The following ITPR1 variants were observed in gnomAD, a reference collection of about 807,000 sequenced individuals.
ITPR1 encodes the protein inositol 1,4,5-trisphosphate-gated calcium channel ITPR1.
In ITPR1, 96 loss-of-function variants were observed where a neutral mutation model predicts 318.4. That is an observed-to-expected ratio of 0.30 (90% confidence interval 0.26 to 0.36). The LOEUF (loss-of-function observed/expected upper bound fraction) is 0.36, where lower values mean the gene tolerates loss of function less well. ITPR1 is among the 10% of genes least tolerant of loss of function. ITPR1 has a pLI of 1.00. For missense variants in ITPR1, 2,440 were observed against 3,460.2 expected, an observed-to-expected ratio of 0.71 and a Z score of 7.40; for synonymous variants, 1,312 against 1,289.9, an observed-to-expected ratio of 1.02 and a Z score of -0.37.
chr3:4,564,925 G>T (rs113385412), intron 4 of ITPR1, among the ~76,000 whole-genome samples: 1 of 152,154 alleles, frequency 6.6e-6, no homozygotes, highest in Non-Finnish European at 1.5e-5. Context: ...CAATGGGGAC[G>T]CAGTTCAGTT....
intron 4 of ITPR1, among the ~76,000 whole-genome samples, chr3:4,536,343 T>C (rs2083871831): frequency 6.6e-6 from 1 of 152,244 alleles, no homozygotes. Context: ...GGGTGAGGTA[T>C]ATTTAAGGGA....
At chr3:4,585,918 TA>T (rs1240713609) in intron 4 of ITPR1, among the ~76,000 whole-genome samples, 3 of 112,966 alleles carry the variant, frequency 2.7e-5, no homozygotes, top group Non-Finnish European at 5.4e-5. Flanking sequence ...ACCCCTCCCC[TA>T]GCCCCCCAGC....
intron 5 of ITPR1, 112 bp from the exon 6 acceptor site, chr3:4,639,272 T>C: frequency 2.6e-6 from 2 of 778,236 alleles, no homozygotes; most frequent in South Asian, 1.6e-5. Flanking sequence ...CCTCAGGGAT[T>C]TGCGTATTTC....
At position 4,777,143 on chromosome 3, in the gene ITPR1, C is replaced by T; in HGVS notation, c.6181-121C>T. On this transcript the variant is annotated intron_variant, in intron 47 of 61. Transcript: ENST00000649015. ...TTTCTCACGGAAAATTTGCAGCTCT[C>T]CCCTAGAGACATTACTGGGAGTGGT... 3 of 608,274 alleles carry T rather than the reference C, an allele frequency of 4.9e-6. No homozygotes were observed. The South Asian group carries it at 6.4e-5, about 13-fold the overall frequency. 37.7% of individuals were successfully genotyped at this position (608,274 alleles called of 1,614,324 possible).
At chr3:4,635,948 C>T (rs1161915087) in intron 5 of ITPR1, among the ~76,000 whole-genome samples, 2 of 151,852 alleles carry the variant, frequency 1.3e-5, no homozygotes, top group Non-Finnish European at 2.9e-5. Flanking sequence ...GCAACCTCTG[C>T]CTCCTGGGTT....
chr3:4,618,187 T>C lies in ITPR1; in HGVS notation c.164-9576T>C, dbSNP rs1175148794. Among the ~76,000 whole-genome samples the C allele has an allele frequency of 3.3e-5, 5 of 152,164 alleles. No homozygotes were observed. The East Asian group carries it at 9.6e-4, about 29-fold the overall frequency. The stretch of plus-strand genomic sequence containing the variant: ...TAGTAAATGCCACTGAATTGGTCAC[T>C]TTAAAATGGTTAATTTTATATTATG... On this transcript the variant is annotated intron_variant, in intron 4 of 61. Transcript: ENST00000649015.
In ITPR1 at chr3:4,697,260, A is replaced by G. The variant is rs767193785; in HGVS notation, c.4395A>G (p.Val1465=). ...GGAAATTGTTTGAGAATTTCCTTGTAGACATCTGCAGGGTAAGGCTTTTGG... is the reference window on the plus strand; with the variant it reads ...GGAAATTGTTTGAGAATTTCCTTGTGGACATCTGCAGGGTAAGGCTTTTGG... ...HMWKLFENFL[V]DICRACNNTS... Residue 1465 remains valine, a synonymous_variant, in exon 34 of 62, where the codon GTA becomes GTG. Transcript: ENST00000649015. 6.4e-7 allele frequency: 1 copy of G among 1,556,952 alleles called. No homozygotes were observed. The highest frequency in any genetic ancestry group is 8.7e-7 in the Non-Finnish European group (1 of 1,149,522).
chr3:4,545,643 G>A (rs2084911364), intron 4 of ITPR1, among the ~76,000 whole-genome samples: 2 of 146,656 alleles, frequency 1.4e-5, no homozygotes, highest in South Asian at 2.1e-4. Context: ...AAAAAAAAAG[G>A]CTTTGGAAGC....
At chr3:4,546,018 C>T (rs2084960841) in intron 4 of ITPR1, among the ~76,000 whole-genome samples, 1 of 152,096 alleles carries the variant, frequency 6.6e-6, no homozygotes, top group Non-Finnish European at 1.5e-5. Flanking sequence ...TTTTCTATGT[C>T]TTAATTTGCT....
At chr3:4,538,533 A>G (rs1334758494) in intron 4 of ITPR1, among the ~76,000 whole-genome samples, 2 of 152,202 alleles carry the variant, frequency 1.3e-5, no homozygotes, top group Non-Finnish European at 2.9e-5. Context: ...CGACCCAGCA[A>G]TCCCATTCCT....
intron 19 of ITPR1, 71 bp from the exon 20 acceptor site, chr3:4,670,658 G>T (rs879810497): frequency 9.6e-6 from 11 of 1,141,914 alleles, no homozygotes; most frequent in Non-Finnish European, 1.4e-5. Context: ...GTGTCTTTAT[G>T]CTGAAAGTAA....
At chr3:4,667,137 G>A (rs528215698) in intron 17 of ITPR1, among the ~76,000 whole-genome samples, 2 of 152,310 alleles carry the variant, frequency 1.3e-5, no homozygotes, top group Non-Finnish European at 1.5e-5. Flanking sequence ...ATATCCACGT[G>A]TAAATACAGG....
At chr3:4,644,281 C>T (rs376432009) in intron 8 of ITPR1, 47 bp downstream of exon 8, 48 of 1,363,820 alleles carry the variant, frequency 3.5e-5, no homozygotes, top group Admixed American at 1.2e-4. Context: ...CCTGCAGGAG[C>T]GGGTCTGGCA....
chr3:4,555,734 C>G (rs1575518334), intron 4 of ITPR1, among the ~76,000 whole-genome samples: 1 of 152,126 alleles, frequency 6.6e-6, no homozygotes, highest in African/African-American at 2.4e-5. Flanking sequence ...TTATTTTTTA[C>G]CATCATGAGC....
intron 4 of ITPR1, among the ~76,000 whole-genome samples, chr3:4,530,232 C>T (rs907051405): frequency 3.3e-5 from 5 of 152,128 alleles, no homozygotes; most frequent in South Asian, 2.1e-4. Context: ...GTTTTCTCCT[C>T]GCCAGATTTT....
At chr3:4,526,163 TATC>T (rs2082961762) in intron 4 of ITPR1, among the ~76,000 whole-genome samples, 1 of 152,220 alleles carries the variant, frequency 6.6e-6, no homozygotes, top group South Asian at 2.1e-4. Context: ...ATATCAATAA[TATC>T]AAAATGTGCA....
intron 4 of ITPR1, among the ~76,000 whole-genome samples, chr3:4,592,151 C>T (rs922869972): frequency 1.2e-4 from 18 of 152,156 alleles, no homozygotes; most frequent in Non-Finnish European, 2.1e-4. Context: ...TACGTCAGTC[C>T]TGTTTGAGAA....
At position 4,642,231 on chromosome 3, in the gene ITPR1, C is replaced by T. The variant is rs776734935; in HGVS notation, c.505C>T (p.Leu169=). ...SWFYIQPFYK[L]RSIGDSVVIG... is the part of the protein sequence containing the mutation. ...GTTTTATATTCAGCCATTCTACAAG[C>T]TGCGATCCATTGGAGACAGCGTAAG... is the stretch of plus-strand genomic sequence containing the variant. The change falls in exon 7 of 62, where the codon CTG becomes TTG. Residue 169 remains leucine (L), a synonymous_variant. Coordinates refer to ENST00000649015, the MANE Select transcript of ITPR1 (RefSeq NM_001378452.1). 1.3e-6 allele frequency: 2 copies of T among 1,582,538 alleles called. No individual in the cohort carries two copies. The highest frequency in any genetic ancestry group is 1.7e-6 in the Non-Finnish European group (2 of 1,167,424).
chr3:4,564,986 A>T (rs1222977474), intron 4 of ITPR1, among the ~76,000 whole-genome samples: 2 of 152,252 alleles, frequency 1.3e-5, no homozygotes, highest in African/African-American at 4.8e-5. Context: ...CTCACAAATG[A>T]AAATACGGAC....
Sources: allele counts gnomAD v4.1 joint callset (sites outside exome capture counted in the v4.1 genomes callset), GRCh38; gene constraint gnomAD v4.1.1; transcripts MANE v1.5; gene names NCBI Gene and HGNC (gene_info 2026-07-23, HGNC 2026-07-21).